Variants in FHL2 observed in about 807,000 individuals in gnomAD.
The protein encoded by FHL2 is four and a half LIM domains protein 2.
Under a neutral mutation model 32.7 loss-of-function variants are expected in FHL2, and 20 were observed. The observed-to-expected ratio is 0.61, with a 90% CI of 0.43 to 0.89. The LOEUF is 0.89. Ranked by LOEUF, FHL2 falls within the 40% of genes least tolerant of loss-of-function variation. The pLI is 0.00. For missense variants in FHL2, 311 were observed against 358.6 expected (o/e 0.87, Z 1.07); for synonymous variants, 123 against 128.1 (o/e 0.96, Z 0.27).
At chr2:105,392,700 A>C (rs2104611104) in intron 2 of FHL2, among the ~76,000 whole-genome samples, 1 of 152,092 alleles carries the variant, frequency 6.6e-6, no homozygotes, top group East Asian at 1.9e-4. Context: ...AGGGAAAAGG[A>C]AACAGAAAGA....
intron 1 of FHL2, among the ~76,000 whole-genome samples, chr2:105,436,100 T>C (rs905560021): frequency 6.6e-6 from 1 of 152,184 alleles, no homozygotes; most frequent in African/African-American, 2.4e-5. Context: ...TTGTAAAACA[T>C]TAAATTGCTC....
upstream of FHL2, among the ~76,000 whole-genome samples, chr2:105,402,535 A>G (rs781240886): frequency 9.9e-5 from 15 of 152,162 alleles, no homozygotes; most frequent in African/African-American, 1.4e-4. Context: ...GTGGGCGACC[A>G]TGCCTGGCCC....
At chr2:105,420,760 G>A (rs541129194) in intron 1 of FHL2, among the ~76,000 whole-genome samples, 9 of 152,102 alleles carry the variant, frequency 5.9e-5, no homozygotes, top group Non-Finnish European at 8.8e-5. Context: ...ATTCTCACAA[G>A]GGGCATGCAA....
intron 6 of FHL2, 31 bp downstream of exon 6, chr2:105,363,254 C>A (rs1680398813): frequency 6.2e-7 from 1 of 1,609,110 alleles, no homozygotes; most frequent in East Asian, 2.2e-5. Context: ...CTTCCAATCG[C>A]CCCTGGAAAT....
At chr2:105,403,918 T>C (rs1476383601), upstream of FHL2, among the ~76,000 whole-genome samples, 1 of 152,184 alleles carries the variant, frequency 6.6e-6, no homozygotes. Context: ...GCTGTACAAA[T>C]GCTGAAATTT....
chr2:105,422,350 A>C (rs374951139), intron 1 of FHL2, among the ~76,000 whole-genome samples: 1 of 152,174 alleles, frequency 6.6e-6, no homozygotes, highest in East Asian at 1.9e-4. Context: ...TGTCATGTGC[A>C]TGGGAATTGC....
chr2:105,412,311 T>C (rs1160266430), intron 1 of FHL2, among the ~76,000 whole-genome samples: 1 of 152,176 alleles, frequency 6.6e-6, no homozygotes, highest in Admixed American at 6.5e-5. Flanking sequence ...GTCATTATGC[T>C]AAGCTTGAAT....
At chr2:105,433,263 C>T (rs1278941137) in intron 1 of FHL2, among the ~76,000 whole-genome samples, 1 of 151,732 alleles carries the variant, frequency 6.6e-6, no homozygotes, top group Non-Finnish European at 1.5e-5. Flanking sequence ...TCACTGCAAC[C>T]TCCACCTCTC....
rs532618440 is a variant in FHL2, at chr2:105,396,833, A to G, written c.-75-136T>C. ...TAATAAAACCGCACAGAAGAACCCA[A>G]TGTCTAATGTTTCCATTCACCCAAG... On this transcript the variant is annotated intron_variant, in intron 1 of 6. Coordinates refer to ENST00000530340, the MANE Select transcript of FHL2 (RefSeq NM_001318895.3). 9.9e-6 allele frequency: 7 copies of G among 704,606 alleles called. No homozygotes were observed. The East Asian group carries it at 1.4e-4, about 14-fold the overall frequency. 43.6% of individuals were successfully genotyped at this position (704,606 alleles called of 1,614,324 possible). A position where few individuals can be genotyped will look rare whatever the true frequency, so the allele number is the denominator to read the frequency against.
rs563084576 is a variant in FHL2 at position 105,433,265 on chromosome 2, C to T, written c.-25+5134G>A. On this transcript the variant is annotated intron_variant, in intron 1 of 5. Coordinates refer to the FHL2 transcript ENST00000393352. ...GCACGATCTCAGCTCACTGCAACCTCCACCTCTCAAGTTCAAGCAATTCTC... is the reference window on the plus strand; with the variant it reads ...GCACGATCTCAGCTCACTGCAACCTTCACCTCTCAAGTTCAAGCAATTCTC... Among the ~76,000 whole-genome samples, 4 of 151,596 alleles carry T rather than the reference C, an allele frequency of 2.6e-5. No homozygotes were observed. In the South Asian group the frequency reaches 8.4e-4, roughly 32 times the overall value.
At chr2:105,397,878 TTTGTTTTTTG>T (rs1683246748) in intron 1 of FHL2, among the ~76,000 whole-genome samples, 1 of 49,968 alleles carries the variant, frequency 2.0e-5, no homozygotes, top group African/African-American at 6.3e-5. Flanking sequence ...TTTTTGTTTT[TTTGTTTTTTG>T]TTTTTTTTTG....
intron 2 of FHL2, chr2:105,390,330 A>G (rs1199595791): frequency 6.6e-6 from 1 of 152,538 alleles, no homozygotes; most frequent in Non-Finnish European, 1.5e-5. Context: ...CATCATGGTG[A>G]ATGTCATCAT....
chr2:105,381,395 A>C (rs1412464246), intron 3 of FHL2, among the ~76,000 whole-genome samples: 2 of 152,134 alleles, frequency 1.3e-5, no homozygotes, highest in Non-Finnish European at 2.9e-5. Flanking sequence ...TAGGAACCCC[A>C]GTGTATAGAC....
At chr2:105,396,807 A>C in intron 1 of FHL2, 110 bp from the exon 2 acceptor site, 196 of 919,526 alleles carry the variant, frequency 2.1e-4, no homozygotes, top group Non-Finnish European at 2.7e-4. Context: ...TCAAATTCTC[A>C]TAATAAAACC....
chr2:105,399,057 G>A (rs1013412749), upstream of FHL2: 1 of 1,495,372 alleles, frequency 6.7e-7, no homozygotes, highest in Admixed American at 2.3e-5. Flanking sequence ...CGAGTGGAGC[G>A]CTGCGCAGCT....
chr2:105,401,762 A>G (rs963611231), upstream of FHL2, among the ~76,000 whole-genome samples: 9 of 152,190 alleles, frequency 5.9e-5, no homozygotes, highest in African/African-American at 2.2e-4. Context: ...AGATAAATCA[A>G]CTGAGAAAAA....
rs1030804146 is a variant in FHL2, at chr2:105,410,882, G to A, written c.-24-24342C>T. ...GTTGCAGTTACAGCTGCCAACATTC[G>A]AAAATGGACTTAGTTATTTTAGGAA... On this transcript the variant is annotated intron_variant, in intron 1 of 5. Transcript: ENST00000393352. Among the ~76,000 whole-genome samples, 4 of 152,164 alleles carry A rather than the reference G, an allele frequency of 2.6e-5. No homozygotes were observed. In the East Asian group the frequency reaches 5.8e-4, roughly 22 times the overall value.
intron 4 of FHL2, among the ~76,000 whole-genome samples, chr2:105,368,685 G>A (rs774326392): frequency 6.6e-6 from 1 of 152,156 alleles, no homozygotes; most frequent in Admixed American, 6.5e-5. Context: ...GCAAGTGCTC[G>A]GTGTCTGTTG....
chr2:105,409,213 A>C (rs183362617), intron 1 of FHL2, among the ~76,000 whole-genome samples: 33 of 152,352 alleles, frequency 2.2e-4, no homozygotes, highest in African/African-American at 7.7e-4. Context: ...GACTATGGGG[A>C]GAGCAAGCCA....
Sources: gnomAD v4.1 joint callset for allele counts (sites outside exome capture counted in the v4.1 genomes callset) on GRCh38, gnomAD v4.1.1 for gene constraint, MANE v1.5 for transcripts, NCBI Gene and HGNC (gene_info 2026-07-23, HGNC 2026-07-21) for gene names.